The following NUP155 variants were observed in gnomAD, a reference collection of about 807,000 sequenced individuals.
NUP155 encodes the protein nuclear pore complex protein Nup155.
A neutral mutation model predicts 180.4 loss-of-function variants in NUP155; 71 were observed. The ratio of observed to expected loss-of-function variants is 0.39; its 90% CI spans 0.33 to 0.48. The LOEUF (loss-of-function observed/expected upper bound fraction) is 0.48, where lower values mean the gene tolerates loss of function less well. Ranked by LOEUF, NUP155 falls within the 20% of genes least tolerant of loss-of-function variation. NUP155 has a pLI of 0.91. For missense variants in NUP155, 1,553 were observed against 1,648.9 expected (o/e 0.94, Z 1.01); for synonymous variants, 582 against 559.5 (o/e 1.04, Z -0.57).
intron 1 of NUP155, among the ~76,000 whole-genome samples, chr5:37,365,794 G>C (rs1315045488): frequency 1.6e-3 from 154 of 99,214 alleles, no homozygotes; most frequent in Admixed American, 4.8e-3. Flanking sequence ...CACACACACA[G>C]ACGCCTACTA....
At chr5:37,361,262 T>A (rs1581214320) in intron 3 of NUP155, among the ~76,000 whole-genome samples, 1 of 74,466 alleles carries the variant, frequency 1.3e-5, no homozygotes, top group African/African-American at 1.7e-4. Context: ...CGAGACTCTG[T>A]CTCAAAAAAA....
Position 37,291,686 on chromosome 5 carries a change from T to C in NUP155, c.*214A>G. 2.2e-6 allele frequency: 1 copy of C among 445,456 alleles called. No homozygotes were observed. The allele number at this position is 445,456 out of a possible 1,614,324, so 27.6% of individuals were successfully genotyped here. ...ATGTTAAAATAATAAATAATCTCATTTCAGTTGTTTTTTCACCCAATTACT... is the reference window on the plus strand; with the variant it reads ...ATGTTAAAATAATAAATAATCTCATCTCAGTTGTTTTTTCACCCAATTACT... On this transcript the variant is annotated 3_prime_UTR_variant, in exon 35 of 35. Coordinates refer to ENST00000231498, the MANE Select transcript of NUP155 (RefSeq NM_153485.3).
chr5:37,347,132 G>C (rs1169937232), intron 9 of NUP155, among the ~76,000 whole-genome samples: 1 of 152,180 alleles, frequency 6.6e-6, no homozygotes, highest in Non-Finnish European at 1.5e-5. Context: ...GGAGGCTTAG[G>C]TGGGAGAATC....
Position 37,324,063 on chromosome 5 carries a change from T to C in NUP155, c.2136A>G (p.Gln712=), listed in dbSNP as rs767375076. The part of the protein sequence containing the change: ...VPCQLLESVL[Q]ELKGLQEFLD... Reference sequence around the variant, plus strand: ...GAAATTCCTGCAAACCCTTTAGTTCTTGTAGCACTGACTCTAGCAGTTGGC... The same window carrying C: ...GAAATTCCTGCAAACCCTTTAGTTCCTGTAGCACTGACTCTAGCAGTTGGC... Residue 712 remains glutamine, a synonymous_variant, in exon 20 of 35, where the codon CAA becomes CAG. Transcript: ENST00000231498. The C allele has an allele frequency of 3.7e-6, 6 of 1,613,942 alleles. No individual in the cohort carries two copies. Among genetic ancestry groups the C allele is most frequent in the South Asian group, 1.1e-5 (1 of 91,076 alleles).
chr5:37,342,946 A>AGG (rs1335499440), intron 9 of NUP155, among the ~76,000 whole-genome samples: 2 of 152,220 alleles, frequency 1.3e-5, no homozygotes, highest in Non-Finnish European at 2.9e-5. Context: ...CGTGTTGGCC[A>AGG]GGCTGGTCTT....
intron 1 of NUP155, among the ~76,000 whole-genome samples, chr5:37,368,129 T>C (rs1747722861): frequency 6.6e-6 from 1 of 150,380 alleles, no homozygotes; most frequent in African/African-American, 2.5e-5. Flanking sequence ...CAGGCTGGTC[T>C]CAAACTCAAG....
chr5:37,302,522 C>T (rs879608468), intron 29 of NUP155, among the ~76,000 whole-genome samples: 9 of 152,246 alleles, frequency 5.9e-5, no homozygotes, highest in Non-Finnish European at 1.0e-4. Flanking sequence ...GCGTGAGCCA[C>T]TGCACCCAGC....
At chr5:37,328,287 TA>T in intron 17 of NUP155, 70 bp downstream of exon 17, 1 of 1,094,142 alleles carries the variant, frequency 9.1e-7, no homozygotes, top group Non-Finnish European at 1.4e-6. Flanking sequence ...TTTTTCACAC[TA>T]AGCATTAAGG....
intron 21 of NUP155, among the ~76,000 whole-genome samples, chr5:37,317,590 T>C (rs1397969596): frequency 6.6e-6 from 1 of 152,140 alleles, no homozygotes; most frequent in Non-Finnish European, 1.5e-5. Context: ...TATCATGTTT[T>C]CTGGTGGAGG....
Position 37,325,967 on chromosome 5 carries a change from T to G in NUP155, c.2025A>C (p.Gly675=). 6.2e-7 allele frequency: 1 copy of G among 1,607,332 alleles called. No homozygotes were observed. The highest frequency in any genetic ancestry group is 8.5e-7 in the Non-Finnish European group (1 of 1,176,010). ...GICIYFSRIM[G]NIWDASLVVE... ...CAACTAAGCTTGCATCCCAAATGTTTCTGGAAAAAAAAAAGTTTTAATGAT... is the reference window on the plus strand; with the variant it reads ...CAACTAAGCTTGCATCCCAAATGTTGCTGGAAAAAAAAAAGTTTTAATGAT... Residue 675 remains glycine (G), a splice_region_variant and synonymous_variant, in exon 19 of 35, where the codon GGA becomes GGC. Transcript: ENST00000231498.
chr5:37,353,102 TAA>T (rs1338841344), intron 4 of NUP155, among the ~76,000 whole-genome samples: 2 of 152,166 alleles, frequency 1.3e-5, no homozygotes, highest in Non-Finnish European at 2.9e-5. Flanking sequence ...AATGCTATTT[TAA>T]AAGTGTTATA....
In NUP155 at chr5:37,349,262, A is replaced by G. The variant is rs1357476181; in HGVS notation, c.830-17T>C. ...GAATAGGATCTAAAAGTAAGACAAA[A>G]AAAAAAAAGAGAAAAAAGTAAACCC... On this transcript the variant is annotated splice_polypyrimidine_tract_variant and intron_variant, in intron 7 of 34. Coordinates refer to ENST00000231498, the MANE Select transcript of NUP155 (RefSeq NM_153485.3). The G allele has an allele frequency of 1.3e-6, 1 of 770,118 alleles. No homozygotes were observed. The highest frequency in any genetic ancestry group is 2.1e-6 in the Non-Finnish European group (1 of 485,200). 47.7% of individuals were successfully genotyped at this position (770,118 alleles called of 1,614,324 possible).
intron 9 of NUP155, among the ~76,000 whole-genome samples, chr5:37,345,206 T>C (rs950614735): frequency 6.6e-6 from 1 of 151,466 alleles, no homozygotes; most frequent in Non-Finnish European, 1.5e-5. Context: ...ACTAAGTATA[T>C]TGTTATGTAA....
At chr5:37,338,314 T>C (rs1305481365) in intron 11 of NUP155, among the ~76,000 whole-genome samples, 4 of 112,160 alleles carry the variant, frequency 3.6e-5, no homozygotes, top group African/African-American at 1.4e-4. Context: ...CAAGATTCCG[T>C]CTCAAAAAAA....
chr5:37,342,227 C>T (rs1005322029), intron 10 of NUP155, among the ~76,000 whole-genome samples: 4 of 151,944 alleles, frequency 2.6e-5, no homozygotes, highest in East Asian at 1.9e-4. Context: ...TTAGTAGAGA[C>T]GGGGTTACAG....
chr5:37,298,244 A>C (rs1299776866), intron 32 of NUP155, among the ~76,000 whole-genome samples: 1 of 152,072 alleles, frequency 6.6e-6, no homozygotes, highest in African/African-American at 2.4e-5. Context: ...TCTCAAAAAA[A>C]AAAAAAAAAG....
At chr5:37,310,520 C>A (rs1743459136) in intron 23 of NUP155, 32 bp downstream of exon 23, 2 of 1,562,376 alleles carry the variant, frequency 1.3e-6, no homozygotes, top group African/African-American at 2.7e-5. Flanking sequence ...CCTCTTATAA[C>A]AAACAATGAA....
chr5:37,352,804 G>T lies in NUP155; in HGVS notation c.489C>A (p.His163Gln), dbSNP rs202230125. 5.6e-6 allele frequency: 9 copies of T among 1,613,464 alleles called. No individual in the cohort carries two copies. The South Asian group carries it at 7.7e-5, about 14-fold the overall frequency. Residue 163 changes from histidine (H) to glutamine (Q), a missense_variant, in exon 5 of 35, where the codon CAC becomes CAA. His to Gln is a conservative substitution (Grantham distance 24). Transcript: ENST00000231498. ...CTACAGGGGTCGCCAAAACCAGGAG[G>T]TGTCGCACATGAGGTTGAAAGATGC... ...KAGIFQPHVR[H>Q]LLVLATPVDI...
At position 37,350,223 on chromosome 5, in the gene NUP155, G is replaced by A; in HGVS notation, c.766C>T (p.His256Tyr). The change falls in exon 7 of 35, where the codon CAC (histidine) becomes TAC (tyrosine). Residue 256 changes from histidine to tyrosine, a missense_variant. By Grantham distance (83) the His-to-Tyr change is moderately conservative. Coordinates refer to ENST00000231498, the MANE Select transcript of NUP155 (RefSeq NM_153485.3). Reference protein sequence around the residue: ...WFSQRCRKINHSKSSLSFLVP... With the variant: ...WFSQRCRKINYSKSSLSFLVP... Reference sequence around the variant, plus strand: ...AGGAAAGAAAGTGAGCTCTTTGAGTGGTTTATTTTCCTACATCTTTGGCTA... The same window carrying A: ...AGGAAAGAAAGTGAGCTCTTTGAGTAGTTTATTTTCCTACATCTTTGGCTA... 1 of 1,613,808 alleles carries A rather than the reference G, an allele frequency of 6.2e-7. No individual in the cohort carries two copies. Among genetic ancestry groups the A allele is most frequent in the Non-Finnish European group, 8.5e-7 (1 of 1,179,890 alleles).
Sources: gnomAD v4.1 joint callset for allele counts (sites outside exome capture counted in the v4.1 genomes callset) on GRCh38, gnomAD v4.1.1 for gene constraint, MANE v1.5 for transcripts, NCBI Gene and HGNC (gene_info 2026-07-23, HGNC 2026-07-21) for gene names.